SMARCC2: variants seen among roughly 807,000 people sequenced by gnomAD.
SMARCC2 encodes SWI/SNF complex subunit SMARCC2.
In SMARCC2, 15 loss-of-function variants were observed where a neutral mutation model predicts 151.3. That is an observed-to-expected ratio of 0.10 (90% CI 0.07 to 0.15). SMARCC2 has a LOEUF of 0.15. SMARCC2 is among the 10% of genes least tolerant of loss of function. SMARCC2 has a pLI of 1.00. For missense variants in SMARCC2, 1,031 were observed against 1,599.7 expected (o/e 0.64, Z 6.06); for synonymous variants, 590 against 609.5 (o/e 0.97, Z 0.47).
rs769114012 is a variant in SMARCC2 at position 56,170,114 on chromosome 12, C to T, written c.2412+30G>A. The T allele has an allele frequency of 5.1e-6, 8 of 1,578,258 alleles. No individual in the cohort carries two copies. The East Asian group carries it at 1.1e-4, about 22-fold the overall frequency. ...CCCATCACCACAGTGCTGCACGCAG[C>T]CCCTGCAGCTTCCAGAAATCCCTCT... On this transcript the variant is annotated intron_variant, in intron 23 of 28. Transcript: ENST00000550164.
At chr12:56,170,860 G>A (rs1329967538) in intron 22 of SMARCC2, among the ~76,000 whole-genome samples, 1 of 151,334 alleles carries the variant, frequency 6.6e-6, no homozygotes, top group Non-Finnish European at 1.5e-5. Context: ...AGCCTCTGAA[G>A]TAGCTGGGAT....
Position 56,169,494 on chromosome 12 carries a change from T to C in SMARCC2, c.2715+35A>G, listed in dbSNP as rs113256868. The C allele has an allele frequency of 4.7e-3, 7,468 of 1,604,410 alleles. 34 individuals are homozygous for C. Among genetic ancestry groups the C allele is most frequent in the Non-Finnish European group, 5.6e-3 (6,593 of 1,172,798 alleles). On this transcript the variant is annotated intron_variant, in intron 25 of 28. Coordinates refer to ENST00000550164, the MANE Select transcript of SMARCC2 (RefSeq NM_001330288.2). ...TGAGATGAGATTAGAGAAGTGGACA[T>C]TTTCTTCCCTGAGGTCTTCAAGGTC... is the stretch of plus-strand genomic sequence containing the variant.
chr12:56,177,969 G>T, intron 15 of SMARCC2, 53 bp downstream of exon 15: 1 of 1,201,988 alleles, frequency 8.3e-7, no homozygotes, highest in Non-Finnish European at 1.2e-6. Context: ...ATCAGGAAGG[G>T]TGAATGTGGG....
rs1275605394 is a variant in SMARCC2 at position 56,181,773 on chromosome 12, A to G, written c.771T>C (p.Tyr257=). Residue 257 remains tyrosine, a synonymous_variant, in exon 9 of 29, where the codon TAT becomes TAC. Coordinates refer to ENST00000550164, the MANE Select transcript of SMARCC2 (RefSeq NM_001330288.2). ...CAGGGTTTTTGTCATCATTTACTTC[A>G]TAGTCTTCCTCATTCATCCATTCAT... is the stretch of plus-strand genomic sequence containing the variant. The part of the protein sequence containing the change: ...TFNEWMNEED[Y]EVNDDKNPVS... 1.2e-6 allele frequency: 2 copies of G among 1,613,994 alleles called. No individual in the cohort carries two copies. Among genetic ancestry groups the G allele is most frequent in the Non-Finnish European group, 1.7e-6 (2 of 1,180,004 alleles).
At chr12:56,169,443 G>T in intron 25 of SMARCC2, 86 bp downstream of exon 25, 1 of 1,451,178 alleles carries the variant, frequency 6.9e-7, no homozygotes, top group Non-Finnish European at 9.4e-7. Context: ...TATTTAAGGT[G>T]TGAGTGAGGA....
chr12:56,167,951 A>AACACACACACAC (rs56809897), intron 26 of SMARCC2, 109 bp downstream of exon 26: 80 of 689,550 alleles, frequency 1.2e-4, no homozygotes, highest in Middle Eastern at 4.7e-4. Context: ...CTTTCACTGA[A>AACACACACACAC]ACACACACAC....
At chr12:56,173,977 T>C (rs1321791182) in intron 16 of SMARCC2, 128 bp from the exon 17 acceptor site, 12 of 750,758 alleles carry the variant, frequency 1.6e-5, no homozygotes, top group Admixed American at 1.4e-4. Flanking sequence ...CCTCTGTTCA[T>C]TGTACTCCTT....
intron 7 of SMARCC2, among the ~76,000 whole-genome samples, chr12:56,183,078 A>G (rs961127700): frequency 6.6e-6 from 1 of 150,954 alleles, no homozygotes; most frequent in Non-Finnish European, 1.5e-5. Flanking sequence ...GGGCTCAAGC[A>G]ATCTGCCCAC....
intron 18 of SMARCC2, 116 bp from the exon 19 acceptor site, chr12:56,172,820 G>T: frequency 6.4e-7 from 1 of 1,554,958 alleles, no homozygotes; most frequent in Non-Finnish European, 8.8e-7. Context: ...ACACCCCTGG[G>T]TGGGACTTCC....
In SMARCC2 at chr12:56,183,933, G is replaced by A; in HGVS notation, c.563-3C>T. The A allele has an allele frequency of 1.2e-6, 2 of 1,602,806 alleles. No individual in the cohort carries two copies. The highest frequency in any genetic ancestry group is 1.7e-6 in the Non-Finnish European group (2 of 1,170,210). ...CATGACTGGTCGTACCCATTCCTCT[G>A]GGGATAGAGGAAGAGAAGGGAGAGA... On this transcript the variant is annotated splice_polypyrimidine_tract_variant and splice_region_variant and intron_variant, in intron 6 of 28. Coordinates refer to ENST00000550164, the MANE Select transcript of SMARCC2 (RefSeq NM_001330288.2).
In SMARCC2 at chr12:56,163,506, T is replaced by A. The variant is rs535231953; in HGVS notation, c.*183A>T. On this transcript the variant is annotated 3_prime_UTR_variant, in exon 29 of 29. Transcript: ENST00000550164. ...CATCTTTTAAACAGAAGTCCTTGAATAATCTGATATAAAAATGCATGCCTC... is the reference window on the plus strand; with the variant it reads ...CATCTTTTAAACAGAAGTCCTTGAAAAATCTGATATAAAAATGCATGCCTC... 4.5e-5 allele frequency: 19 copies of A among 422,060 alleles called. No homozygotes were observed. Among genetic ancestry groups the A allele is most frequent in the Non-Finnish European group, 7.6e-5 (18 of 238,144 alleles). The allele number at this position is 422,060 out of a possible 1,614,324, so 26.1% of individuals were successfully genotyped here. A position where few individuals can be genotyped will look rare whatever the true frequency, so the allele number is the denominator to read the frequency against.
intron 22 of SMARCC2, among the ~76,000 whole-genome samples, chr12:56,170,792 G>A (rs1430788492): frequency 1.3e-5 from 2 of 148,552 alleles, no homozygotes; most frequent in Admixed American, 6.8e-5. Context: ...GAGTGCAGTG[G>A]CTTGATCTTG....
chr12:56,182,016 C>G lies in SMARCC2; in HGVS notation c.696G>C (p.Glu232Asp), dbSNP rs777475203. 2 of 1,611,536 alleles carry G rather than the reference C, an allele frequency of 1.2e-6. No homozygotes were observed. The highest frequency in any genetic ancestry group is 1.3e-5 in the African/African-American group (1 of 74,778). The change falls in exon 8 of 29, where the codon GAG becomes GAC. Residue 232 changes from glutamate (E) to aspartate (D), a missense_variant. Glu to Asp is a conservative substitution (Grantham distance 45, BLOSUM62 2). Transcript: ENST00000550164. ...EASVEDAPTP[E>D]KPRKVHAKWI... ...AAGAAAAGCTCACCTTCCTAGGTTT[C>G]TCAGGAGTTGGAGCATCTTCCACAG...
intron 26 of SMARCC2, among the ~76,000 whole-genome samples, chr12:56,166,468 T>C (rs535096204): frequency 1.3e-3 from 194 of 151,918 alleles, no homozygotes; most frequent in Non-Finnish European, 1.8e-3. Context: ...AATCTCTTAA[T>C]GTGAATTTGT....
intron 19 of SMARCC2, 34 bp from the exon 20 acceptor site, chr12:56,172,524 G>A: frequency 6.2e-7 from 1 of 1,610,050 alleles, no homozygotes; most frequent in South Asian, 1.1e-5. Flanking sequence ...GAGAAGAAAG[G>A]AGCCTGTGAC....
chr12:56,185,868 C>A, intron 3 of SMARCC2: 2 of 413,338 alleles, frequency 4.8e-6, no homozygotes, highest in Non-Finnish European at 8.7e-6. Flanking sequence ...GATCTCAACT[C>A]CATGAATCAC....
intron 2 of SMARCC2, chr12:56,186,554 T>C (rs984909537): frequency 3.2e-6 from 1 of 310,644 alleles, no homozygotes; most frequent in Non-Finnish European, 6.1e-6. Context: ...TTCTCCATGT[T>C]GGTCAGGCTG....
chr12:56,186,642 G>A (rs540322108), intron 2 of SMARCC2: 6 of 207,828 alleles, frequency 2.9e-5, no homozygotes, highest in East Asian at 2.7e-4. Context: ...GAGCCACCAC[G>A]CCCGGCCTCA....
At chr12:56,182,300 A>G (rs1876374771) in intron 7 of SMARCC2, among the ~76,000 whole-genome samples, 1 of 151,938 alleles carries the variant, frequency 6.6e-6, no homozygotes, top group Non-Finnish European at 1.5e-5. Flanking sequence ...ATACTTGTAT[A>G]TCTGTTTTTC....
Sources: gnomAD v4.1 joint callset for allele counts (sites outside exome capture counted in the v4.1 genomes callset) on GRCh38, gnomAD v4.1.1 for gene constraint, MANE v1.5 for transcripts, NCBI Gene and HGNC (gene_info 2026-07-23, HGNC 2026-07-21) for gene names.